Variants in PHACTR2 observed in about 807,000 individuals in gnomAD.
PHACTR2 encodes the protein chromosome 6 open reading frame 56.
PHACTR2 carries 30 observed loss-of-function variants against 76.0 expected under a neutral mutation model. The ratio of observed to expected loss-of-function variants is 0.39; its 90% CI spans 0.30 to 0.54. The LOEUF is 0.54. PHACTR2 is among the 20% of genes least tolerant of loss of function. The pLI is 0.61. For missense variants in PHACTR2, 696 were observed against 781.1 expected, an observed-to-expected ratio of 0.89 and a Z score of 1.30; for synonymous variants, 292 against 292.5, an observed-to-expected ratio of 1.00 and a Z score of 0.02.
chr6:143,705,941 A>G (rs1778044216), intron 1 of PHACTR2, among the ~76,000 whole-genome samples: 1 of 152,206 alleles, frequency 6.6e-6, no homozygotes, highest in African/African-American at 2.4e-5. Context: ...TATATAAATT[A>G]TTTGGAGTTC....
chr6:143,681,322 G>A (rs753147345), intron 1 of PHACTR2, among the ~76,000 whole-genome samples: 25 of 152,014 alleles, frequency 1.6e-4, no homozygotes, highest in Admixed American at 1.6e-3. Flanking sequence ...ATATCTCATG[G>A]TTTTGATTTC....
At chr6:143,746,423 G>A (rs1779068662) in intron 2 of PHACTR2, among the ~76,000 whole-genome samples, 1 of 152,222 alleles carries the variant, frequency 6.6e-6, no homozygotes, top group South Asian at 2.1e-4. Flanking sequence ...GTGATTGAAT[G>A]CTGAATTGGC....
Position 143,764,076 on chromosome 6 carries a change from G to A in PHACTR2, c.695-1185G>A, listed in dbSNP as rs1212296418. Among the ~76,000 whole-genome samples the A allele has an allele frequency of 6.6e-6, 1 of 152,172 alleles. No homozygotes were observed. Among genetic ancestry groups the A allele is most frequent in the African/African-American group, 2.4e-5 (1 of 41,430 alleles). ...TGTTTTGAAACTGTTTTGATTGAGG[G>A]TGCCCTATCCGGAAGTAGGCAAATA... On this transcript the variant is annotated intron_variant, in intron 5 of 12. Coordinates refer to ENST00000440869, the MANE Select transcript of PHACTR2 (RefSeq NM_001100164.2). This position sits in a 1 kb window ranked among gnomAD's most constrained non-coding sequence, Gnocchi z 4.7.
chr6:143,637,728 T>C (rs1776485281), intron 1 of PHACTR2, among the ~76,000 whole-genome samples: 1 of 152,266 alleles, frequency 6.6e-6, no homozygotes, highest in Non-Finnish European at 1.5e-5. Context: ...CATGGCAGCT[T>C]GCTTCTTCAA....
Position 143,807,072 on chromosome 6 carries a change from G to A in PHACTR2, c.1861G>A (p.Glu621Lys). 1 of 1,599,102 alleles carries A rather than the reference G, an allele frequency of 6.3e-7. No homozygotes were observed. Among genetic ancestry groups the A allele is most frequent in the Non-Finnish European group, 8.6e-7 (1 of 1,167,986 alleles). ...TCCTGTTTAGGCAGCAATAAGGAAA[G>A]AACTAAATGAATTTAAAAGCACAGA... ...TPADKAAIRK[E>K]LNEFKSTEME... The change falls in exon 12 of 13, where the codon GAA becomes AAA. Residue 621 changes from glutamate to lysine, a missense_variant. Around this residue, in one of 2 missense-constraint regions of PHACTR2, gnomAD observed 236 missense variants for 330.2 expected, o/e 0.71. Transcript: ENST00000440869. This position sits in a 1 kb window ranked among gnomAD's most constrained non-coding sequence, Gnocchi z 5.5.
intron 2 of PHACTR2, among the ~76,000 whole-genome samples, chr6:143,741,075 C>A (rs1778930938): frequency 6.6e-6 from 1 of 152,158 alleles, no homozygotes; most frequent in Admixed American, 6.5e-5. Flanking sequence ...TGGCGAAAAC[C>A]CATCTCTACT....
Position 143,765,502 on chromosome 6 carries a change from G to A in PHACTR2, c.936G>A (p.Glu312=), listed in dbSNP as rs759661649. 4 of 1,614,230 alleles carry A rather than the reference G, an allele frequency of 2.5e-6. No individual in the cohort carries two copies. The South Asian group carries it at 3.3e-5, about 13-fold the overall frequency. The change falls in exon 6 of 13, where the codon GAG becomes GAA. Residue 312 remains glutamate (E), a synonymous_variant. Coordinates refer to ENST00000440869, the MANE Select transcript of PHACTR2 (RefSeq NM_001100164.2). This position sits in a 1 kb window ranked among gnomAD's most constrained non-coding sequence, Gnocchi z 4.1. ...LKGEPAETRV[E]SFKLEQTVPG... ...GAGAGCCTGCAGAGACCAGAGTGGAGAGTTTCAAACTCGAACAGACTGTCC... is the reference window on the plus strand; with the variant it reads ...GAGAGCCTGCAGAGACCAGAGTGGAAAGTTTCAAACTCGAACAGACTGTCC...
chr6:143,668,913 C>G (rs1777095964), intron 1 of PHACTR2, among the ~76,000 whole-genome samples: 1 of 152,054 alleles, frequency 6.6e-6, no homozygotes, highest in Admixed American at 6.6e-5. Context: ...TTTCTGCTAG[C>G]TTTTGAATTT....
chr6:143,783,411 C>T lies in PHACTR2; in HGVS notation c.1707+131C>T, dbSNP rs1775478127. ...ATTCCTATTAGTCTATAATCATAGA[C>T]ATCAAAATCACAAGCCTGGGCAACA... On this transcript the variant is annotated intron_variant, in intron 10 of 12. Coordinates refer to ENST00000440869, the MANE Select transcript of PHACTR2 (RefSeq NM_001100164.2). The surrounding 1 kb of genome is among the most constrained non-coding windows in gnomAD (Gnocchi z 5.2). 1 of 533,630 alleles carries T rather than the reference C, an allele frequency of 1.9e-6. No individual in the cohort carries two copies. Among genetic ancestry groups the T allele is most frequent in the Middle Eastern group, 5.2e-4 (1 of 1,910 alleles). The allele number at this position is 533,630 out of a possible 1,614,324, so 33.1% of individuals were successfully genotyped here.
chr6:143,660,759 G>A (rs1776934593), intron 1 of PHACTR2, among the ~76,000 whole-genome samples: 1 of 152,216 alleles, frequency 6.6e-6, no homozygotes, highest in East Asian at 1.9e-4. Context: ...CATAAATTAA[G>A]GGCCGAGAGA....
Position 143,794,864 on chromosome 6 carries a change from T to G in PHACTR2, c.1845+5954T>G, listed in dbSNP as rs572963374. On this transcript the variant is annotated intron_variant, in intron 11 of 12. Transcript: ENST00000440869. This position sits in a 1 kb window ranked among gnomAD's most constrained non-coding sequence, Gnocchi z 4.1. Reference sequence around the variant, plus strand: ...TCCTTTCAGCCTAAAGGAGACATCTTTTTTCTTTCTCTTATCTTAGTGCCA... The same window carrying G: ...TCCTTTCAGCCTAAAGGAGACATCTGTTTTCTTTCTCTTATCTTAGTGCCA... Among the ~76,000 whole-genome samples the G allele has an allele frequency of 2.6e-5, 4 of 152,124 alleles. No individual in the cohort carries two copies.
chr6:143,540,271 T>G (rs1781160503), intron 1 of PHACTR2, among the ~76,000 whole-genome samples: 1 of 152,146 alleles, frequency 6.6e-6, no homozygotes, highest in African/African-American at 2.4e-5. Context: ...AATCACCTTT[T>G]GCAGTGACAG....
rs1056192819 is a variant in PHACTR2, at chr6:143,641,932, G to A, written c.13+33610G>A. Among the ~76,000 whole-genome samples, 3 of 152,164 alleles carry A rather than the reference G, an allele frequency of 2.0e-5. No individual in the cohort carries two copies. Among genetic ancestry groups the A allele is most frequent in the Non-Finnish European group, 2.9e-5 (2 of 68,028 alleles). On this transcript the variant is annotated intron_variant, in intron 1 of 11. Transcript: ENST00000305766. The surrounding 1 kb of genome is among the most constrained non-coding windows in gnomAD (Gnocchi z 5.8). The stretch of plus-strand genomic sequence containing the variant: ...TTTTTCTCTTGTGACACTAAAGAAT[G>A]CCTAGATATTTATGCATCTAACTAG...
At chr6:143,759,417 G>A (rs991762193) in intron 4 of PHACTR2, among the ~76,000 whole-genome samples, 1 of 152,166 alleles carries the variant, frequency 6.6e-6, no homozygotes. Context: ...ACTTTGGGAG[G>A]CCAAGGCAGG....
chr6:143,615,878 C>T (rs1289918676), intron 1 of PHACTR2, among the ~76,000 whole-genome samples: 1 of 152,196 alleles, frequency 6.6e-6, no homozygotes, highest in Non-Finnish European at 1.5e-5. Flanking sequence ...CTTTTTCTTT[C>T]ACTAGTAATG....
At chr6:143,607,687 A>T (rs1437997708), upstream of PHACTR2, among the ~76,000 whole-genome samples, 1 of 152,218 alleles carries the variant, frequency 6.6e-6, no homozygotes, top group Non-Finnish European at 1.5e-5. Flanking sequence ...CCTAATATTT[A>T]TTTGGAACAG....
intron 2 of PHACTR2, among the ~76,000 whole-genome samples, chr6:143,713,068 A>G (rs2128461237): frequency 6.6e-6 from 1 of 152,330 alleles, no homozygotes; most frequent in East Asian, 1.9e-4. Context: ...ACCACAGTCT[A>G]ATATTGTTAG....
chr6:143,812,635 A>T (rs755746708), intron 12 of PHACTR2, among the ~76,000 whole-genome samples: 3 of 152,214 alleles, frequency 2.0e-5, no homozygotes, highest in African/African-American at 4.8e-5. Flanking sequence ...GGTAGGGACA[A>T]ATGGTCCCCA....
chr6:143,610,987 A>C lies in PHACTR2; in HGVS notation c.13+2665A>C, dbSNP rs1314196928. ...TTTAGAATGGCACACCTGTGACTAC[A>C]AGCATCATCAGCATTCTGCCAGTGC... On this transcript the variant is annotated intron_variant, in intron 1 of 11. Coordinates refer to the PHACTR2 transcript ENST00000305766. The surrounding 1 kb of genome is among the most constrained non-coding windows in gnomAD (Gnocchi z 4.9). 2.0e-5 allele frequency among the ~76,000 whole-genome samples: 3 copies of C among 152,140 alleles called. No individual in the cohort carries two copies. Among genetic ancestry groups the C allele is most frequent in the East Asian group, 3.8e-4 (2 of 5,200 alleles).
Sources: allele counts gnomAD v4.1 joint callset (sites outside exome capture counted in the v4.1 genomes callset), GRCh38; gene constraint gnomAD v4.1.1; regional missense constraint gnomAD v4.1.1; non-coding constraint Gnocchi (gnomAD v3.1); transcripts MANE v1.5; gene names NCBI Gene and HGNC (gene_info 2026-07-23, HGNC 2026-07-21).